The following TEAD1 variants were observed in gnomAD, a reference collection of about 807,000 sequenced individuals.
The protein encoded by TEAD1 is transcriptional enhancer factor TEF-1.
In TEAD1, 9 loss-of-function variants were observed where a neutral mutation model predicts 54.9. That is an observed-to-expected ratio of 0.16 (90% CI 0.10 to 0.29). The LOEUF is 0.29. Among genes scored for constraint, TEAD1 ranks in the 10% least tolerant of loss-of-function variants. The pLI, the probability that TEAD1 is intolerant of heterozygous loss-of-function variation, is 1.00. For missense variants in TEAD1, 387 were observed against 535.9 expected (o/e 0.72, Z 2.74); for synonymous variants, 200 against 187.8 (o/e 1.07, Z -0.53).
intron 12 of TEAD1, among the ~76,000 whole-genome samples, chr11:12,932,606 GCGGACCA>G (rs1949029824): frequency 6.6e-6 from 1 of 152,122 alleles, no homozygotes; most frequent in Non-Finnish European, 1.5e-5. Context: ...AGTGTGAAGG[GCGGACCA>G]CGTGTATGGT....
chr11:12,889,050 C>G (rs1008068179), intron 9 of TEAD1, among the ~76,000 whole-genome samples: 1 of 152,166 alleles, frequency 6.6e-6, no homozygotes, highest in African/African-American at 2.4e-5. Flanking sequence ...CCTCTGTTAC[C>G]TTTGGCTCTA....
intron 2 of TEAD1, among the ~76,000 whole-genome samples, chr11:12,698,531 T>C (rs1381044279): frequency 4.6e-5 from 7 of 151,946 alleles, no homozygotes; most frequent in African/African-American, 9.7e-5. Context: ...TTTTTAAATA[T>C]TGATTCCTGC....
chr11:12,864,592 G>A (rs1947576175), intron 4 of TEAD1: 2 of 1,110,442 alleles, frequency 1.8e-6, no homozygotes, highest in African/African-American at 1.7e-5. Context: ...CTCCCAAAGA[G>A]TAGCGATTTT....
chr11:12,738,704 T>G (rs1219716377), intron 2 of TEAD1, among the ~76,000 whole-genome samples: 1 of 152,236 alleles, frequency 6.6e-6, no homozygotes, highest in Non-Finnish European at 1.5e-5. Flanking sequence ...CTTTGAATTT[T>G]CTGTATTTAC....
At chr11:12,922,988 T>C (rs965693791) in intron 10 of TEAD1, 1 of 149,914 alleles carries the variant, frequency 6.7e-6, no homozygotes, top group African/African-American at 2.5e-5. Context: ...CATTTGAGTG[T>C]CAGATCCACG....
intron 2 of TEAD1, among the ~76,000 whole-genome samples, chr11:12,751,773 A>G (rs1365857726): frequency 1.3e-5 from 2 of 152,184 alleles, no homozygotes; most frequent in Non-Finnish European, 2.9e-5. Flanking sequence ...AGAAGGTGGG[A>G]GAAAGAATGG....
chr11:12,762,016 A>C (rs1211749902), intron 2 of TEAD1, among the ~76,000 whole-genome samples: 1 of 152,154 alleles, frequency 6.6e-6, no homozygotes, highest in African/African-American at 2.4e-5. Context: ...CTTTTAAGGC[A>C]GTCGAAGGTC....
Position 12,715,472 on chromosome 11 carries a change from T to A in TEAD1, c.-55+39911T>A, listed in dbSNP as rs1590077669. On this transcript the variant is annotated intron_variant, in intron 2 of 12. Transcript: ENST00000527636. ...GCAGTTTTCTTTAGCCAAGGGCTGG[T>A]TGCCTTCGTTTCACCTGGGTGGGGG... Among the ~76,000 whole-genome samples the A allele has an allele frequency of 2.0e-5, 3 of 152,120 alleles. No homozygotes were observed. In the East Asian group the frequency reaches 5.8e-4, roughly 29 times the overall value.
intron 3 of TEAD1, among the ~76,000 whole-genome samples, chr11:12,771,351 G>A (rs115461308): frequency 0.011 from 1,623 of 152,310 alleles, 31 homozygotes; most frequent in African/African-American, 0.038. Context: ...ATCTGAAGGC[G>A]TGAAGACAAG....
chr11:12,881,951 A>G lies in TEAD1; in HGVS notation c.568A>G (p.Ile190Val), dbSNP rs946167711. The G allele has an allele frequency of 1.2e-6, 2 of 1,614,000 alleles. No individual in the cohort carries two copies. The highest frequency in any genetic ancestry group is 1.7e-5 in the Admixed American group (1 of 60,004). ...CATCCAGCCAGCGGTCACAGCCCCCATTCCAGGTGAGTGTCCCTGAAACTC... is the reference window on the plus strand; with the variant it reads ...CATCCAGCCAGCGGTCACAGCCCCCGTTCCAGGTGAGTGTCCCTGAAACTC... The change falls in exon 8 of 13, where the codon ATT becomes GTT. Residue 190 changes from isoleucine (I) to valine (V), a missense_variant. By Grantham distance (29) the Ile-to-Val change is conservative. This residue lies in a region of TEAD1 where 180 missense variants were observed against 180.6 expected (regional missense o/e 1.00). Transcript: ENST00000527636.
chr11:12,805,783 T>A (rs974938447), intron 3 of TEAD1, among the ~76,000 whole-genome samples: 1 of 152,244 alleles, frequency 6.6e-6, no homozygotes, highest in African/African-American at 2.4e-5. Flanking sequence ...AAGCATTGAT[T>A]GATACACCTT....
chr11:12,878,799 A>G, intron 5 of TEAD1: 1 of 754,714 alleles, frequency 1.3e-6, no homozygotes, highest in Non-Finnish European at 1.9e-6. Flanking sequence ...GTATATATAC[A>G]CATATATATA....
At chr11:12,703,551 T>C (rs1943748008) in intron 2 of TEAD1, among the ~76,000 whole-genome samples, 2 of 152,336 alleles carry the variant, frequency 1.3e-5, no homozygotes, top group East Asian at 3.9e-4. Flanking sequence ...GATCTTTGCT[T>C]TCTTTAGCCC....
intron 2 of TEAD1, among the ~76,000 whole-genome samples, chr11:12,745,891 C>T (rs1455609471): frequency 3.9e-5 from 6 of 152,162 alleles, no homozygotes; most frequent in African/African-American, 9.7e-5. Flanking sequence ...TTCTTTTGCA[C>T]GTACGGGATT....
At chr11:12,806,189 C>T (rs1564946209) in intron 3 of TEAD1, among the ~76,000 whole-genome samples, 2 of 152,290 alleles carry the variant, frequency 1.3e-5, no homozygotes, top group South Asian at 4.1e-4. Flanking sequence ...ACTTGGAACC[C>T]AGGTTCAAAT....
chr11:12,893,103 C>T (rs1336173622), intron 9 of TEAD1, among the ~76,000 whole-genome samples: 1 of 152,204 alleles, frequency 6.6e-6, no homozygotes, highest in Non-Finnish European at 1.5e-5. Context: ...TATTCTAACC[C>T]AGGTGTCATT....
intron 2 of TEAD1, among the ~76,000 whole-genome samples, chr11:12,751,176 C>T (rs1944861616): frequency 6.6e-6 from 1 of 151,862 alleles, no homozygotes; most frequent in Non-Finnish European, 1.5e-5. Context: ...GTAGCATGTG[C>T]CTGTAGTCCC....
chr11:12,697,790 A>C (rs2133833741), intron 2 of TEAD1, among the ~76,000 whole-genome samples: 1 of 152,318 alleles, frequency 6.6e-6, no homozygotes, highest in South Asian at 2.1e-4. Flanking sequence ...TGGGAGGCCG[A>C]GGCGGGCGGA....
intron 3 of TEAD1, among the ~76,000 whole-genome samples, chr11:12,824,933 GT>G (rs1235777809): frequency 6.6e-6 from 1 of 152,166 alleles, no homozygotes; most frequent in Admixed American, 6.6e-5. Flanking sequence ...AGATGGTGCT[GT>G]TTTTTCATAT....
Sources: allele counts gnomAD v4.1 joint callset (sites outside exome capture counted in the v4.1 genomes callset), GRCh38; gene constraint gnomAD v4.1.1; regional missense constraint gnomAD v4.1.1; transcripts MANE v1.5; gene names NCBI Gene and HGNC (gene_info 2026-07-23, HGNC 2026-07-21).